The following CMIP variants were observed in gnomAD, a reference collection of about 807,000 sequenced individuals.
The protein encoded by CMIP is C-Maf-inducing protein.
CMIP carries 13 observed loss-of-function variants against 97.3 expected under a neutral mutation model. The ratio of observed to expected loss-of-function variants is 0.13; its 90% CI spans 0.09 to 0.21. The LOEUF (loss-of-function observed/expected upper bound fraction) is 0.21, where lower values mean the gene tolerates loss of function less well. CMIP is among the 10% of genes least tolerant of loss of function. The pLI is 1.00. For missense variants in CMIP, 847 were observed against 1,024.9 expected, an observed-to-expected ratio of 0.83 and a Z score of 2.37; for synonymous variants, 538 against 436.3, an observed-to-expected ratio of 1.23 and a Z score of -2.91.
At chr16:81,569,196 C>G (rs1008037479) in intron 1 of CMIP, among the ~76,000 whole-genome samples, 2 of 152,174 alleles carry the variant, frequency 1.3e-5, no homozygotes, top group African/African-American at 4.8e-5. Flanking sequence ...CCCTGTATCC[C>G]TTGAGAATAT....
chr16:81,642,584 A>G (rs1281543776), intron 3 of CMIP, among the ~76,000 whole-genome samples: 3 of 152,214 alleles, frequency 2.0e-5, no homozygotes, highest in Admixed American at 6.5e-5. Flanking sequence ...GCATAGCAGC[A>G]CTATTCATGA....
chr16:81,585,745 GAGA>G (rs2150911069), intron 1 of CMIP, among the ~76,000 whole-genome samples: 1 of 126,758 alleles, frequency 7.9e-6, no homozygotes, highest in East Asian at 2.7e-4. Flanking sequence ...GATTGGGCTG[GAGA>G]AGAACCCCAC....
In CMIP at chr16:81,711,221, A is replaced by T. The variant is rs1908735959; in HGVS notation, c.*1422A>T. The T allele has an allele frequency of 6.6e-6, 1 of 152,284 alleles. No individual in the cohort carries two copies. Among genetic ancestry groups the T allele is most frequent in the African/African-American group, 2.4e-5 (1 of 41,314 alleles). 9.4% of individuals were successfully genotyped at this position (152,284 alleles called of 1,614,324 possible). ...GCCCTTTTTTCTGTTGGTTTAGCAC[A>T]AATACTTCCCTCCTCCGGCACCTCC... On this transcript the variant is annotated 3_prime_UTR_variant, in exon 21 of 21. Coordinates refer to ENST00000537098, the MANE Select transcript of CMIP (RefSeq NM_198390.3).
intron 1 of CMIP, among the ~76,000 whole-genome samples, chr16:81,550,743 G>A (rs908185065): frequency 5.3e-5 from 8 of 152,088 alleles, no homozygotes; most frequent in African/African-American, 1.9e-4. Context: ...CCACAGCACT[G>A]TCATTCTGAA....
chr16:81,467,448 A>G (rs1023054463), intron 1 of CMIP, among the ~76,000 whole-genome samples: 3 of 152,184 alleles, frequency 2.0e-5, no homozygotes, highest in African/African-American at 7.2e-5. Context: ...CTGTGAGAAG[A>G]TGAGAGGATT....
intron 1 of CMIP, among the ~76,000 whole-genome samples, chr16:81,490,001 C>G (rs1291038105): frequency 2.0e-5 from 3 of 152,194 alleles, no homozygotes; most frequent in African/African-American, 7.2e-5. Context: ...AGCCTTTGGA[C>G]TGGTGCTCTT....
At chr16:81,590,250 TC>T (rs1222109666) in intron 1 of CMIP, among the ~76,000 whole-genome samples, 3 of 122,674 alleles carry the variant, frequency 2.4e-5, no homozygotes, top group Non-Finnish European at 5.2e-5. Context: ...TCCCATTCCT[TC>T]CCTACCTCCC....
intron 1 of CMIP, among the ~76,000 whole-genome samples, chr16:81,458,244 G>A (rs1906682515): frequency 6.6e-6 from 1 of 152,062 alleles, no homozygotes; most frequent in Non-Finnish European, 1.5e-5. Context: ...CTGGGCAGTG[G>A]GTCCCTCTCC....
chr16:81,519,787 C>A (rs545248367), intron 1 of CMIP: 1 of 152,230 alleles, frequency 6.6e-6, no homozygotes, highest in Non-Finnish European at 1.5e-5. Context: ...CATGGAGATG[C>A]CTCAGTGAGG....
chr16:81,698,608 A>G (rs1235056724), intron 14 of CMIP, among the ~76,000 whole-genome samples: 8 of 152,182 alleles, frequency 5.3e-5, no homozygotes, highest in South Asian at 2.1e-4. Flanking sequence ...TGTTTTTGGC[A>G]GTAAAATACA....
At chr16:81,492,978 A>G (rs1275348676) in intron 1 of CMIP, among the ~76,000 whole-genome samples, 1 of 152,134 alleles carries the variant, frequency 6.6e-6, no homozygotes, top group Non-Finnish European at 1.5e-5. Flanking sequence ...CCCCTTTAGT[A>G]GGAGGGCATT....
At chr16:81,673,379 A>G (rs1276901702) in intron 9 of CMIP, among the ~76,000 whole-genome samples, 3 of 152,122 alleles carry the variant, frequency 2.0e-5, no homozygotes, top group Non-Finnish European at 2.9e-5. Flanking sequence ...TTAGCCGGGC[A>G]TGGTGGTACA....
chr16:81,626,317 G>T (rs961727066), intron 3 of CMIP, among the ~76,000 whole-genome samples: 1 of 151,876 alleles, frequency 6.6e-6, no homozygotes, highest in Non-Finnish European at 1.5e-5. Context: ...TATGAGTGTG[G>T]TGAGGTGACT....
intron 13 of CMIP, among the ~76,000 whole-genome samples, chr16:81,695,262 C>G (rs543988733): frequency 6.6e-6 from 1 of 152,354 alleles, no homozygotes; most frequent in Admixed American, 6.5e-5. Context: ...TTTCTCCCTT[C>G]CCTTCTACCT....
chr16:81,640,737 C>CGTGTGT (rs1567627570), intron 3 of CMIP, among the ~76,000 whole-genome samples: 26 of 76,044 alleles, frequency 3.4e-4, no homozygotes, highest in South Asian at 1.5e-3. Flanking sequence ...CTCTCTGGAG[C>CGTGTGT]ATGTGTGTGT....
At chr16:81,494,583 G>T (rs1389244912) in intron 1 of CMIP, among the ~76,000 whole-genome samples, 1 of 152,188 alleles carries the variant, frequency 6.6e-6, no homozygotes, top group African/African-American at 2.4e-5. Flanking sequence ...GCCCCAGCCG[G>T]CTCCCGTTCT....
intron 1 of CMIP, among the ~76,000 whole-genome samples, chr16:81,470,982 A>G (rs1907493145): frequency 6.6e-6 from 1 of 152,160 alleles, no homozygotes; most frequent in Non-Finnish European, 1.5e-5. Flanking sequence ...ACAGGCACAA[A>G]CGTGCATACA....
intron 1 of CMIP, among the ~76,000 whole-genome samples, chr16:81,599,680 T>TG (rs1391008825): frequency 6.6e-6 from 1 of 152,136 alleles, no homozygotes; most frequent in Non-Finnish European, 1.5e-5. Flanking sequence ...GTTGCTGTCT[T>TG]GGGGGGTTAC....
At chr16:81,597,622 G>T (rs1242321113) in intron 1 of CMIP, among the ~76,000 whole-genome samples, 3 of 151,420 alleles carry the variant, frequency 2.0e-5, no homozygotes, top group Non-Finnish European at 4.4e-5. Flanking sequence ...CAGCCTGGAA[G>T]GTCCTGGGAC....
Sources: gnomAD v4.1 joint callset for allele counts (sites outside exome capture counted in the v4.1 genomes callset) on GRCh38, gnomAD v4.1.1 for gene constraint, MANE v1.5 for transcripts, NCBI Gene and HGNC (gene_info 2026-07-23, HGNC 2026-07-21) for gene names.